The following TENM1 variants were observed in gnomAD, a reference collection of about 807,000 sequenced individuals.
TENM1 encodes the protein teneurin transmembrane protein 1.
Under a neutral mutation model 174.8 loss-of-function variants are expected in TENM1, and 35 were observed. The ratio of observed to expected loss-of-function variants is 0.20; its 90% CI spans 0.15 to 0.27. The LOEUF (loss-of-function observed/expected upper bound fraction) is 0.27. Among genes scored for constraint, TENM1 ranks in the 10% least tolerant of loss-of-function variants. The probability of loss-of-function intolerance (pLI) is 1.00; values close to 1 mark genes in which losing one functional copy is unlikely to be tolerated. For missense variants in TENM1, 1,633 were observed against 2,130.1 expected, an observed-to-expected ratio of 0.77 and a Z score of 4.59; for synonymous variants, 781 against 798.7, an observed-to-expected ratio of 0.98 and a Z score of 0.37.
intron 6 of TENM1, among the ~76,000 whole-genome samples, chrX:124,665,298 C>T (rs996837417): frequency 8.2e-4 from 92 of 111,698 alleles, no homozygotes; most frequent in African/African-American, 2.7e-3. Flanking sequence ...CGAGATTGCG[C>T]CATTGCACTC....
chrX:125,035,728 C>A, the TENM1 span, among the ~76,000 whole-genome samples: 1 of 111,354 alleles, frequency 9.0e-6, no homozygotes, highest in Non-Finnish European at 1.9e-5. Context: ...TTTATAGAAC[C>A]ATTAATGGTC....
intron 3 of TENM1, among the ~76,000 whole-genome samples, chrX:124,856,812 G>T (rs1408492920): frequency 1.8e-5 from 2 of 111,016 alleles, no homozygotes; most frequent in East Asian, 5.6e-4. Flanking sequence ...AGATAGTGAC[G>T]TGGTAGTGGG....
the TENM1 span, among the ~76,000 whole-genome samples, chrX:124,982,270 GAA>G: frequency 2.2e-3 from 23 of 10,536 alleles, 1 homozygote; most frequent in South Asian, 7.4e-3. Context: ...AAGAAAATGT[GAA>G]AAAAAAAAAA....
At chrX:124,941,012 C>CA (rs748588118) in intron 1 of TENM1, among the ~76,000 whole-genome samples, 2 of 111,067 alleles carry the variant, frequency 1.8e-5, no homozygotes, top group South Asian at 7.6e-4. Context: ...CTTTTCCATC[C>CA]AAAAAAACAA....
chrX:125,108,102 G>A, the TENM1 span, among the ~76,000 whole-genome samples: 10 of 111,585 alleles, frequency 9.0e-5, no homozygotes, highest in Admixed American at 2.9e-4. Context: ...ATGACATCTC[G>A]CAAATTAGAA....
At chrX:125,106,670 A>G in the TENM1 span, among the ~76,000 whole-genome samples, 1 of 111,947 alleles carries the variant, frequency 8.9e-6, no homozygotes, top group Non-Finnish European at 1.9e-5. Context: ...CAGCCTCCCA[A>G]AGTGCTGGGA....
chrX:124,425,982 A>G (rs2060709233), intron 23 of TENM1, among the ~76,000 whole-genome samples: 1 of 98,680 alleles, frequency 1.0e-5, no homozygotes, highest in Non-Finnish European at 2.0e-5. Context: ...AAAGAGTTGG[A>G]AGCAAAAGGA....
At chrX:124,520,186 G>A (rs1434372418) in intron 18 of TENM1, among the ~76,000 whole-genome samples, 5 of 111,943 alleles carry the variant, frequency 4.5e-5, no homozygotes, top group Admixed American at 9.5e-5. Flanking sequence ...CAGTCTAAAT[G>A]TCAAATCCAA....
chrX:124,902,951 A>G (rs996197610), intron 1 of TENM1, among the ~76,000 whole-genome samples: 11 of 112,185 alleles, frequency 9.8e-5, no homozygotes, highest in Non-Finnish European at 3.8e-5. Context: ...GCCCCTAATG[A>G]TAACAAGGTA....
chrX:124,398,044 C>T (rs921714941), intron 27 of TENM1, among the ~76,000 whole-genome samples: 1 of 108,676 alleles, frequency 9.2e-6, no homozygotes, highest in African/African-American at 3.3e-5. Context: ...CTGGCTAATG[C>T]GGTGAAACCC....
chrX:124,586,305 C>A (rs1217785937), intron 11 of TENM1, among the ~76,000 whole-genome samples: 2 of 108,840 alleles, frequency 1.8e-5, no homozygotes, highest in African/African-American at 3.4e-5. Context: ...ACTGGCAAAC[C>A]GAATCCAGCA....
the TENM1 span, among the ~76,000 whole-genome samples, chrX:125,167,585 A>G: frequency 9.0e-6 from 1 of 110,906 alleles, no homozygotes; most frequent in Non-Finnish European, 1.9e-5. Flanking sequence ...TAAACATGGC[A>G]TAGAAAACTC....
At chrX:124,781,129 A>T (rs2054899859) in intron 3 of TENM1, among the ~76,000 whole-genome samples, 1 of 111,680 alleles carries the variant, frequency 9.0e-6, no homozygotes, top group Non-Finnish European at 1.9e-5. Flanking sequence ...AATCCCTCAA[A>T]AGTAAGGGTT....
At chrX:125,072,299 C>A in the TENM1 span, among the ~76,000 whole-genome samples, 2 of 111,141 alleles carry the variant, frequency 1.8e-5, no homozygotes, top group African/African-American at 6.5e-5. Context: ...TATTTTATAT[C>A]CTTGCTACTC....
chrX:124,674,303 CA>C (rs745969451), intron 5 of TENM1, among the ~76,000 whole-genome samples: 906 of 16,577 alleles, frequency 0.055, 2 homozygotes, highest in African/African-American at 0.13. Context: ...TATCAAAAGG[CA>C]AAAAAAAAAA....
intron 1 of TENM1, among the ~76,000 whole-genome samples, chrX:124,953,680 G>T (rs1197039274): frequency 8.9e-6 from 1 of 111,818 alleles, no homozygotes; most frequent in African/African-American, 3.3e-5. Context: ...CCAAAAACCA[G>T]TTGCTTTGTT....
At chrX:124,909,294 T>C (rs2057799275) in intron 1 of TENM1, among the ~76,000 whole-genome samples, 1 of 112,347 alleles carries the variant, frequency 8.9e-6, no homozygotes, top group Admixed American at 9.4e-5. Context: ...TCATGCAGCA[T>C]ATTATAAGCA....
In TENM1 at chrX:124,652,042, C is replaced by T. The variant is rs777459729; in HGVS notation, c.1451G>A (p.Arg484Gln). The change falls in exon 8 of 32, where the codon CGG (arginine) becomes CAG (glutamine). Residue 484 changes from arginine (R) to glutamine (Q), a missense_variant. Arg to Gln is a conservative substitution (Grantham distance 43). Coordinates refer to ENST00000422452, the Ensembl canonical transcript of TENM1. ...CTGAAGCGAAGTTAAGATCAGGTTC[C>T]GAGGGGAGTGCTGTGTATCATCAGA... 1.2e-5 allele frequency: 14 copies of T among 1,209,813 alleles called. No individual in the cohort carries two copies. The East Asian group carries it at 2.1e-4, about 18-fold the overall frequency.
At chrX:124,864,440 G>A (rs1195481449) in intron 3 of TENM1, among the ~76,000 whole-genome samples, 1 of 112,076 alleles carries the variant, frequency 8.9e-6, no homozygotes, top group African/African-American at 3.2e-5. Flanking sequence ...TTCTGGAGCT[G>A]AAAAATGCAA....
Sources: allele counts gnomAD v4.1 joint callset (sites outside exome capture counted in the v4.1 genomes callset), GRCh38; gene constraint gnomAD v4.1.1; transcripts MANE v1.5; gene names NCBI Gene and HGNC (gene_info 2026-07-23, HGNC 2026-07-21).